Variants in HIPK3 observed in about 807,000 individuals in gnomAD.
The protein encoded by HIPK3 is homeodomain interacting protein kinase 3, also known as homeodomain-interacting protein kinase 3.
A neutral mutation model predicts 124.2 loss-of-function variants in HIPK3; 47 were observed. That is an observed-to-expected ratio of 0.38 (90% CI 0.30 to 0.48). The LOEUF is 0.48. Among genes scored for constraint, HIPK3 ranks in the 20% least tolerant of loss-of-function variants. The pLI is 0.98. For synonymous variants in HIPK3, 482 were observed against 515.2 expected, an observed-to-expected ratio of 0.94 and a Z score of 0.87; for missense variants, 1,286 against 1,454.3, an observed-to-expected ratio of 0.88 and a Z score of 1.88.
intron 2 of HIPK3, among the ~76,000 whole-genome samples, chr11:33,328,176 C>T (rs1852865207): frequency 6.6e-6 from 1 of 152,116 alleles, no homozygotes; most frequent in South Asian, 2.1e-4. Flanking sequence ...TAATAGTTTG[C>T]CAGTTCTCTT....
intron 1 of HIPK3, among the ~76,000 whole-genome samples, chr11:33,284,730 T>C (rs1851503281): frequency 6.6e-6 from 1 of 152,230 alleles, no homozygotes; most frequent in African/African-American, 2.4e-5. Flanking sequence ...AGCTTATTTT[T>C]ACACTTGATC....
chr11:33,341,695 T>C lies in HIPK3; in HGVS notation c.1897+9T>C. 1 of 1,592,624 alleles carries C rather than the reference T, an allele frequency of 6.3e-7. No homozygotes were observed. The highest frequency in any genetic ancestry group is 8.5e-7 in the Non-Finnish European group (1 of 1,171,442). ...TCCCCCAGCTATTCAAGGTATTATT[T>C]TATTTAAATTTTGCTTTGAATCTAG... On this transcript the variant is annotated intron_variant, in intron 8 of 16. Transcript: ENST00000303296.
At chr11:33,329,825 C>A (rs1852920207) in intron 3 of HIPK3, among the ~76,000 whole-genome samples, 1 of 152,214 alleles carries the variant, frequency 6.6e-6, no homozygotes, top group Admixed American at 6.5e-5. Context: ...GTCCCATAAT[C>A]CTTTAGCTGT....
Position 33,275,285 on chromosome 11 carries a change from G to A in HIPK3, c.-2-11128G>A, listed in dbSNP as rs185529702. ...GAACTCCTGACCTCGTGATCCGCCCGCCTCAGCCTCCCAAAGTGCTGGGAT... is the reference window on the plus strand; with the variant it reads ...GAACTCCTGACCTCGTGATCCGCCCACCTCAGCCTCCCAAAGTGCTGGGAT... On this transcript the variant is annotated intron_variant, in intron 1 of 16. Coordinates refer to ENST00000303296, the MANE Select transcript of HIPK3 (RefSeq NM_005734.5). 7.2e-5 allele frequency among the ~76,000 whole-genome samples: 11 copies of A among 152,180 alleles called. No homozygotes were observed. In the East Asian group the frequency reaches 1.9e-3, roughly 27 times the overall value.
chr11:33,270,569 A>G (rs1004673050), intron 1 of HIPK3, among the ~76,000 whole-genome samples: 4 of 152,260 alleles, frequency 2.6e-5, no homozygotes, highest in Non-Finnish European at 5.9e-5. Flanking sequence ...TTACAACTTT[A>G]TATGAACAGT....
At position 33,257,407 on chromosome 11, in the gene HIPK3, C is replaced by G; in HGVS notation, c.-485C>G. ...GTGGCAGCTGCCTCAGTGACGACTG[C>G]CGGCATCGCGGCGACCTGAGGAGAT... On this transcript the variant is annotated 5_prime_UTR_variant, in exon 1 of 17. Coordinates refer to ENST00000303296, the MANE Select transcript of HIPK3 (RefSeq NM_005734.5). 5.1e-6 allele frequency: 5 copies of G among 985,196 alleles called. No homozygotes were observed. Among genetic ancestry groups the G allele is most frequent in the Non-Finnish European group, 6.0e-6 (5 of 829,816 alleles). The allele number at this position is 985,196 out of a possible 1,614,324, so 61.0% of individuals were successfully genotyped here.
chr11:33,271,391 C>A (rs1851120798), intron 1 of HIPK3, among the ~76,000 whole-genome samples: 1 of 152,024 alleles, frequency 6.6e-6, no homozygotes, highest in Admixed American at 6.6e-5. Context: ...CATGGTGAGA[C>A]CTCATCCTAA....
intron 2 of HIPK3, among the ~76,000 whole-genome samples, chr11:33,307,001 C>T (rs368673237): frequency 2.7e-5 from 4 of 147,518 alleles, no homozygotes; most frequent in African/African-American, 5.0e-5. Flanking sequence ...TCCAGCGGTG[C>T]GAACTCAGCT....
chr11:33,327,429 A>T (rs1451068224), intron 2 of HIPK3, among the ~76,000 whole-genome samples: 1 of 152,208 alleles, frequency 6.6e-6, no homozygotes, highest in Non-Finnish European at 1.5e-5. Flanking sequence ...TTCCATATTG[A>T]AAAAGACTGA....
Position 33,317,699 on chromosome 11 carries a change from T to C in HIPK3, c.1098-10811T>C, listed in dbSNP as rs893542860. On this transcript the variant is annotated intron_variant, in intron 2 of 16. Coordinates refer to ENST00000303296, the MANE Select transcript of HIPK3 (RefSeq NM_005734.5). ...GATACAACTTAGGTGTGTATCCTTC[T>C]ATTTGCTGTGCTTGTACAAACACTT... is the stretch of plus-strand genomic sequence containing the variant. Among the ~76,000 whole-genome samples the C allele has an allele frequency of 2.0e-5, 3 of 152,362 alleles. 1 individual carries two copies. Among genetic ancestry groups the C allele is most frequent in the South Asian group, 4.1e-4 (2 of 4,830 alleles).
At chr11:33,258,944 T>C (rs547150073) in intron 1 of HIPK3, among the ~76,000 whole-genome samples, 6 of 151,020 alleles carry the variant, frequency 4.0e-5, no homozygotes, top group Middle Eastern at 3.5e-3. Context: ...TCGTCCAGTT[T>C]AGAGGGAAAG....
chr11:33,310,814 G>A (rs1354099552), intron 2 of HIPK3, among the ~76,000 whole-genome samples: 1 of 152,200 alleles, frequency 6.6e-6, no homozygotes, highest in Non-Finnish European at 1.5e-5. Flanking sequence ...CAGAGAAAAT[G>A]CAGTTTTATG....
chr11:33,267,319 G>A (rs1394856562), intron 1 of HIPK3, among the ~76,000 whole-genome samples: 1 of 151,750 alleles, frequency 6.6e-6, no homozygotes, highest in Non-Finnish European at 1.5e-5. Context: ...CACCATGTTG[G>A]TCAGGCTGGT....
At chr11:33,294,515 C>T (rs1458402140) in intron 2 of HIPK3, among the ~76,000 whole-genome samples, 1 of 152,138 alleles carries the variant, frequency 6.6e-6, no homozygotes, top group East Asian at 1.9e-4. Context: ...AACATAAGGA[C>T]ATTCTCTTGC....
At chr11:33,265,944 T>C (rs1279909508) in intron 1 of HIPK3, among the ~76,000 whole-genome samples, 1 of 146,716 alleles carries the variant, frequency 6.8e-6, no homozygotes, top group East Asian at 2.0e-4. Flanking sequence ...ATTAGCTGGG[T>C]GTGGTGGTGG....
intron 1 of HIPK3, among the ~76,000 whole-genome samples, chr11:33,265,261 GACAT>G (rs1168774673): frequency 6.6e-6 from 1 of 152,166 alleles, no homozygotes; most frequent in Non-Finnish European, 1.5e-5. Flanking sequence ...CTTCTAATAA[GACAT>G]TTTCAATGGA....
rs754205154 is a variant in HIPK3, at chr11:33,353,376, T to C, written c.3456T>C (p.Tyr1152=). ...GACCTATGTTACAGCATCCAACTTA[T>C]AATATCTCCCATCCCAGTGGCATAG... ...TSRPMLQHPT[Y]NISHPSGIVH... is the part of the protein sequence containing the mutation. The change falls in exon 17 of 17, where the codon TAT becomes TAC. Residue 1152 remains tyrosine (Y), a synonymous_variant. Coordinates refer to ENST00000303296, the MANE Select transcript of HIPK3 (RefSeq NM_005734.5). 2.5e-6 allele frequency: 4 copies of C among 1,614,146 alleles called. No individual in the cohort carries two copies. The highest frequency in any genetic ancestry group is 2.5e-6 in the Non-Finnish European group (3 of 1,180,016).
intron 2 of HIPK3, among the ~76,000 whole-genome samples, chr11:33,322,036 G>A (rs1051594150): frequency 2.0e-5 from 3 of 151,908 alleles, no homozygotes; most frequent in South Asian, 4.2e-4. Flanking sequence ...GTCTTGCTCC[G>A]TCACCCAGAC....
chr11:33,332,869 G>T (rs11606193), intron 3 of HIPK3, among the ~76,000 whole-genome samples: 7 of 151,896 alleles, frequency 4.6e-5, no homozygotes, highest in Non-Finnish European at 1.0e-4. Context: ...GTACAAGCAG[G>T]GCTCCAGCAT....
Sources: allele counts gnomAD v4.1 joint callset (sites outside exome capture counted in the v4.1 genomes callset), GRCh38; gene constraint gnomAD v4.1.1; transcripts MANE v1.5; gene names NCBI Gene and HGNC (gene_info 2026-07-23, HGNC 2026-07-21).